Variants in TCHHL1 observed in about 807,000 individuals in gnomAD.
The protein encoded by TCHHL1 is trichohyalin-like protein 1.
A neutral mutation model predicts 3.5 loss-of-function variants in TCHHL1; 1 was observed. The observed-to-expected ratio is 0.29, with a 90% CI of 0.10 to 1.36. The LOEUF (loss-of-function observed/expected upper bound fraction) is 1.36. Ranked by LOEUF, TCHHL1 falls within the 40% of genes most tolerant of loss-of-function variation. The pLI, the probability that TCHHL1 is intolerant of heterozygous loss-of-function variation, is 0.43. For synonymous variants in TCHHL1, 405 were observed against 375.3 expected (o/e 1.08, Z -0.92); for missense variants, 1,027 against 1,032.8 (o/e 0.99, Z 0.08).
Position 152,085,505 on chromosome 1 carries a change from T to G in TCHHL1, c.2177A>C (p.Glu726Ala). Reference protein sequence around the residue: ...AQNTLLESLDEDNSASLKIQL... With the variant: ...AQNTLLESLDADNSASLKIQL... ...TATCTTGAGGGAGGCTGAATTGTCCTCATCTAGACTTTCTAACAGAGTATT... is the reference window on the plus strand; with the variant it reads ...TATCTTGAGGGAGGCTGAATTGTCCGCATCTAGACTTTCTAACAGAGTATT... The change falls in exon 3 of 3, where the codon GAG (glutamate) becomes GCG (alanine). Residue 726 changes from glutamate to alanine, a missense_variant. By Grantham distance (107) the Glu-to-Ala change is moderately radical. Coordinates refer to ENST00000368806, the MANE Select transcript of TCHHL1 (RefSeq NM_001008536.2). 1 of 1,614,214 alleles carries G rather than the reference T, an allele frequency of 6.2e-7. No homozygotes were observed. The highest frequency in any genetic ancestry group is 1.1e-5 in the South Asian group (1 of 91,084).
Position 152,087,357 on chromosome 1 carries a change from C to T in TCHHL1, c.325G>A (p.Asp109Asn). Reference protein sequence around the residue: ...VTKPEKEKLDDVDVQATTGDG... With the variant: ...VTKPEKEKLDNVDVQATTGDG... ...CCGGTGGTTGCCTGAACATCCACAT[C>T]ATCTAGCTTCTCCTTCTCTGGTTTA... is the stretch of plus-strand genomic sequence containing the variant. The change falls in exon 3 of 3, where the codon GAT becomes AAT. Residue 109 changes from aspartate to asparagine, a missense_variant. Physicochemically the swap from Asp to Asn is conservative, Grantham distance 23. Coordinates refer to ENST00000368806, the MANE Select transcript of TCHHL1 (RefSeq NM_001008536.2). 8 of 1,613,780 alleles carry T rather than the reference C, an allele frequency of 5.0e-6. No homozygotes were observed. Among genetic ancestry groups the T allele is most frequent in the Non-Finnish European group, 5.9e-6 (7 of 1,180,002 alleles).
At chr1:152,088,278 G>A in intron 1 of TCHHL1, 115 bp from the exon 2 acceptor site, 2 of 864,760 alleles carry the variant, frequency 2.3e-6, no homozygotes, top group East Asian at 5.8e-5. Flanking sequence ...GCTCTATTCT[G>A]TATCTTAAAA....
chr1:152,087,207 G>A lies in TCHHL1; in HGVS notation c.475C>T (p.Pro159Ser). The change falls in exon 3 of 3, where the codon CCA becomes TCA. Residue 159 changes from proline (P) to serine (S), a missense_variant. Around this residue, in one of 3 missense-constraint regions of TCHHL1, gnomAD observed 338 missense variants for 335.9 expected, o/e 1.01. Coordinates refer to ENST00000368806, the MANE Select transcript of TCHHL1 (RefSeq NM_001008536.2). ...TTGTGAGTCTTGGCTTCTCTCCATG[G>A]GTCCACTCTGTTATTTCCAACTGCT... The part of the protein sequence containing the change: ...SGAVGNNRVD[P>S]WREAKTHNFP... 6.2e-7 allele frequency: 1 copy of A among 1,613,962 alleles called. No homozygotes were observed. Among genetic ancestry groups the A allele is most frequent in the Non-Finnish European group, 8.5e-7 (1 of 1,179,946 alleles).
Position 152,085,496 on chromosome 1 carries a change from G to GA in TCHHL1, c.2185dup (p.Ser729PhefsTer9). Reference sequence around the variant, plus strand: ...TTCAAGTTGTATCTTGAGGGAGGCTGAATTGTCCTCATCTAGACTTTCTAA... The same window carrying GA: ...TTCAAGTTGTATCTTGAGGGAGGCTGAAATTGTCCTCATCTAGACTTTCTAA... On this transcript the variant is annotated frameshift_variant, in exon 3 of 3. Transcript: ENST00000368806. LOFTEE classifies it low-confidence loss of function (END_TRUNC). 1 of 1,614,212 alleles carries GA rather than the reference G, an allele frequency of 6.2e-7. No homozygotes were observed. The highest frequency in any genetic ancestry group is 8.5e-7 in the Non-Finnish European group (1 of 1,180,042).
In TCHHL1 at chr1:152,086,498, C is replaced by A. The variant is rs778974357; in HGVS notation, c.1184G>T (p.Arg395Ile). ...SDMRDERKERRGPEAHGTAGQ... is the reference protein window; with the variant it reads ...SDMRDERKERIGPEAHGTAGQ... The stretch of plus-strand genomic sequence containing the variant: ...TGCTGTTCCATGGGCCTCAGGACCT[C>A]TCCTCTCTTTCCTTTCATCTCTCAT... Residue 395 changes from arginine to isoleucine, a missense_variant, in exon 3 of 3, where the codon AGA becomes ATA. Arg to Ile is a moderately conservative substitution (Grantham distance 97). Transcript: ENST00000368806. The A allele has an allele frequency of 6.2e-7, 1 of 1,614,152 alleles. No individual in the cohort carries two copies. The highest frequency in any genetic ancestry group is 8.5e-7 in the Non-Finnish European group (1 of 1,180,014).
chr1:152,086,029 G>T lies in TCHHL1; in HGVS notation c.1653C>A (p.Asn551Lys). The change falls in exon 3 of 3, where the codon AAC becomes AAA. Residue 551 changes from asparagine (N) to lysine (K), a missense_variant. This residue lies in a region of TCHHL1 where 673 missense variants were observed against 658.6 expected (regional missense o/e 1.02). Coordinates refer to ENST00000368806, the MANE Select transcript of TCHHL1 (RefSeq NM_001008536.2). ...TATTGCCTTCCTCTGAAGCCAGGCT[G>T]TTGGGAGTTTCAGAAGACCCCTCAT... ...QSDEGSSETP[N>K]SLASEEGNSS... The T allele has an allele frequency of 6.2e-7, 1 of 1,614,216 alleles. No homozygotes were observed. The highest frequency in any genetic ancestry group is 8.5e-7 in the Non-Finnish European group (1 of 1,180,050).
At position 152,084,740 on chromosome 1, in the gene TCHHL1, A is replaced by T; in HGVS notation, c.*227T>A. On this transcript the variant is annotated 3_prime_UTR_variant, in exon 3 of 3. Transcript: ENST00000368806. ...GATAAACTGTCTCATGACAAAGCCC[A>T]TTTTGGCATTTGGAAGTAGCATTGT... 2.0e-6 allele frequency: 1 copy of T among 507,034 alleles called. No homozygotes were observed. The highest frequency in any genetic ancestry group is 3.2e-5 in the South Asian group (1 of 31,144). 31.4% of individuals were successfully genotyped at this position (507,034 alleles called of 1,614,324 possible).
Position 152,085,433 on chromosome 1 carries a change from C to T in TCHHL1, c.2249G>A (p.Ser750Asn). Residue 750 changes from serine to asparagine, a missense_variant, in exon 3 of 3, where the codon AGT (serine) becomes AAT (asparagine). This residue lies in a region of TCHHL1 where 673 missense variants were observed against 658.6 expected (regional missense o/e 1.02). Transcript: ENST00000368806. ...EPVTSEEEDE[S>N]PQELAGEGGD... is the part of the protein sequence containing the mutation. ...ACCTTCTCCTGCCAGCTCTTGGGGA[C>T]TTTCATCTTCCTCCTCTGATGTTAC... is the stretch of plus-strand genomic sequence containing the variant. 6 of 1,614,192 alleles carry T rather than the reference C, an allele frequency of 3.7e-6. No homozygotes were observed. The highest frequency in any genetic ancestry group is 5.1e-6 in the Non-Finnish European group (6 of 1,180,026).
rs1251298629 is a variant in TCHHL1 at position 152,085,890 on chromosome 1, C to T, written c.1792G>A (p.Gly598Arg). 2 of 1,614,184 alleles carry T rather than the reference C, an allele frequency of 1.2e-6. No homozygotes were observed. Among genetic ancestry groups the T allele is most frequent in the East Asian group, 2.2e-5 (1 of 44,884 alleles). ...HNNNPDTQRQ[G>R]TPGEKNRALE... ...GCTCTGTTTTTCTCACCAGGTGTTC[C>T]CTGCCTCTGGGTATCTGGGTTATTA... The change falls in exon 3 of 3, where the codon GGA becomes AGA. Residue 598 changes from glycine (G) to arginine (R), a missense_variant. By Grantham distance (125) the Gly-to-Arg change is moderately radical. This residue lies in a region of TCHHL1 where 673 missense variants were observed against 658.6 expected (regional missense o/e 1.02). Coordinates refer to ENST00000368806, the MANE Select transcript of TCHHL1 (RefSeq NM_001008536.2).
rs759548179 is a variant in TCHHL1 at position 152,085,323 on chromosome 1, C to T, written c.2359G>A (p.Glu787Lys). ...SLEKQMQRDQ[E>K]PCSVERGAVY... ...GCACCCCTCTCCACAGAACAGGGCT[C>T]TTGGTCTCTCTGCATCTGCTTTTCA... Residue 787 changes from glutamate (E) to lysine (K), a missense_variant, in exon 3 of 3, where the codon GAG (glutamate) becomes AAG (lysine). This residue lies in a region of TCHHL1 where 673 missense variants were observed against 658.6 expected (regional missense o/e 1.02). Coordinates refer to ENST00000368806, the MANE Select transcript of TCHHL1 (RefSeq NM_001008536.2). The T allele has an allele frequency of 6.2e-7, 1 of 1,614,186 alleles. No homozygotes were observed. The highest frequency in any genetic ancestry group is 1.1e-5 in the South Asian group (1 of 91,084).
Position 152,085,043 on chromosome 1 carries a change from G to A in TCHHL1, c.2639C>T (p.Ala880Val). 1 of 1,614,028 alleles carries A rather than the reference G, an allele frequency of 6.2e-7. No homozygotes were observed. The highest frequency in any genetic ancestry group is 8.5e-7 in the Non-Finnish European group (1 of 1,180,012). ...AGGGTGACCTTGCTTATCTTCCAAG[G>A]CCTGGGGAGCTGGTGTTTCCTGTGC... ...AGAQETPAPQALEDKQGHPQR... is the reference protein window; with the variant it reads ...AGAQETPAPQVLEDKQGHPQR... Residue 880 changes from alanine (A) to valine (V), a missense_variant, in exon 3 of 3, where the codon GCC becomes GTC. Transcript: ENST00000368806.
At chr1:152,088,800 C>G (rs1412738999) in intron 1 of TCHHL1, among the ~76,000 whole-genome samples, 1 of 152,006 alleles carries the variant, frequency 6.6e-6, no homozygotes, top group East Asian at 1.9e-4. Context: ...AATATTCATG[C>G]CTATGACTTC....
In TCHHL1 at chr1:152,085,449, C is replaced by T. The variant is rs1195094069; in HGVS notation, c.2233G>A (p.Glu745Lys). 3.1e-6 allele frequency: 5 copies of T among 1,614,214 alleles called. No homozygotes were observed. Among genetic ancestry groups the T allele is most frequent in the South Asian group, 2.2e-5 (2 of 91,086 alleles). ...TCTTGGGGACTTTCATCTTCCTCCT[C>T]TGATGTTACAGGTTCCTTTGTTTCA... ...QLETKEPVTS[E>K]EEDESPQELA... Residue 745 changes from glutamate (E) to lysine (K), a missense_variant, in exon 3 of 3, where the codon GAG becomes AAG. This residue lies in a region of TCHHL1 where 673 missense variants were observed against 658.6 expected (regional missense o/e 1.02). Coordinates refer to ENST00000368806, the MANE Select transcript of TCHHL1 (RefSeq NM_001008536.2).
chr1:152,087,125 T>C lies in TCHHL1; in HGVS notation c.557A>G (p.Asp186Gly), dbSNP rs756951405. 5 of 1,614,228 alleles carry C rather than the reference T, an allele frequency of 3.1e-6. No homozygotes were observed. The highest frequency in any genetic ancestry group is 4.2e-6 in the Non-Finnish European group (5 of 1,180,036). The change falls in exon 3 of 3, where the codon GAT (aspartate) becomes GGT (glycine). Residue 186 changes from aspartate to glycine, a missense_variant. This residue lies in a region of TCHHL1 where 338 missense variants were observed against 335.9 expected (regional missense o/e 1.01). Coordinates refer to ENST00000368806, the MANE Select transcript of TCHHL1 (RefSeq NM_001008536.2). Reference sequence around the variant, plus strand: ...TTGAGCCACTTCCTGACTTTGTTCATCTCCTTCCAGGTGTTTGTTCTTAGG... The same window carrying C: ...TTGAGCCACTTCCTGACTTTGTTCACCTCCTTCCAGGTGTTTGTTCTTAGG... ...NDPKNKHLEG[D>G]EQSQEVAQDI...
rs778873698 is a variant in TCHHL1 at position 152,087,467 on chromosome 1, T to A, written c.215A>T (p.Glu72Val). The change falls in exon 3 of 3, where the codon GAA becomes GTA. Residue 72 changes from glutamate (E) to valine (V), a missense_variant. Coordinates refer to ENST00000368806, the MANE Select transcript of TCHHL1 (RefSeq NM_001008536.2). ...CAAGTTGAAGATTGCAAGAACAAAT[T>A]CATCAAAACTGATGATGCCATTACT... ...IDSNGIISFD[E>V]FVLAIFNLLN... 3 of 1,604,750 alleles carry A rather than the reference T, an allele frequency of 1.9e-6. No individual in the cohort carries two copies. The highest frequency in any genetic ancestry group is 2.5e-6 in the Non-Finnish European group (3 of 1,179,950).
Position 152,087,403 on chromosome 1 carries a change from A to G in TCHHL1, c.279T>C (p.Ser93=), listed in dbSNP as rs769895972. The G allele has an allele frequency of 1.2e-6, 2 of 1,612,882 alleles. No homozygotes were observed. Among genetic ancestry groups the G allele is most frequent in the South Asian group, 2.2e-5 (2 of 91,072 alleles). ...GTTTAGTCACCTGTCTTAGTTCAGA[A>G]CTTAGTAATGATTTTATGTCAAGAT... ...LCYLDIKSLL[S]SELRQVTKPE... is the part of the protein sequence containing the mutation. Residue 93 remains serine, a synonymous_variant, in exon 3 of 3, where the codon AGT becomes AGC. Coordinates refer to ENST00000368806, the MANE Select transcript of TCHHL1 (RefSeq NM_001008536.2).
rs1657688055 is a variant in TCHHL1, at chr1:152,084,867, A to G, written c.*100T>C. On this transcript the variant is annotated 3_prime_UTR_variant, in exon 3 of 3. Coordinates refer to ENST00000368806, the MANE Select transcript of TCHHL1 (RefSeq NM_001008536.2). ...TTATTTGTTTTTGTAGAAATTTAGG[A>G]AGAGAATTTAAAAGATTGTTAATCT... The G allele has an allele frequency of 7.7e-7, 1 of 1,305,348 alleles. No individual in the cohort carries two copies. The highest frequency in any genetic ancestry group is 2.3e-5 in the East Asian group (1 of 42,972). The allele number at this position is 1,305,348 out of a possible 1,614,324, so 80.9% of individuals were successfully genotyped here. A position where few individuals can be genotyped will look rare whatever the true frequency, so the allele number is the denominator to read the frequency against.
Position 152,087,358 on chromosome 1 carries a change from A to G in TCHHL1, c.324T>C (p.Asp108=), listed in dbSNP as rs374736309. The G allele has an allele frequency of 6.2e-7, 1 of 1,613,608 alleles. No individual in the cohort carries two copies. Among genetic ancestry groups the G allele is most frequent in the Non-Finnish European group, 8.5e-7 (1 of 1,179,964 alleles). The part of the protein sequence containing the change: ...QVTKPEKEKL[D]DVDVQATTGD... ...CGGTGGTTGCCTGAACATCCACATC[A>G]TCTAGCTTCTCCTTCTCTGGTTTAG... The change falls in exon 3 of 3, where the codon GAT becomes GAC. Residue 108 remains aspartate, a synonymous_variant. Coordinates refer to ENST00000368806, the MANE Select transcript of TCHHL1 (RefSeq NM_001008536.2).
rs373446489 is a variant in TCHHL1, at chr1:152,084,321, T to C, written c.*646A>G. 6.0e-6 allele frequency: 1 copy of C among 167,138 alleles called. No homozygotes were observed. Among genetic ancestry groups the C allele is most frequent in the East Asian group, 1.9e-4 (1 of 5,204 alleles). The allele number at this position is 167,138 out of a possible 1,614,324, so 10.4% of individuals were successfully genotyped here. A position where few individuals can be genotyped will look rare whatever the true frequency, so the allele number is the denominator to read the frequency against. ...GATTGTTTATTTGAGCCAAAAGCTA[T>C]GAAAAGTTTGTGTAAGGAGTGGGAT... On this transcript the variant is annotated 3_prime_UTR_variant, in exon 3 of 3. Transcript: ENST00000368806.
Sources: gnomAD v4.1 joint callset for allele counts (sites outside exome capture counted in the v4.1 genomes callset) on GRCh38, gnomAD v4.1.1 for gene constraint, gnomAD v4.1.1 regional missense constraint, MANE v1.5 for transcripts, NCBI Gene and HGNC (gene_info 2026-07-23, HGNC 2026-07-21) for gene names.